LNX2: variants seen among roughly 807,000 people sequenced by gnomAD.
LNX2 encodes the protein ligand of Numb protein X 2.
A neutral mutation model predicts 66.2 loss-of-function variants in LNX2; 35 were observed. The ratio of observed to expected loss-of-function variants is 0.53; its 90% CI spans 0.40 to 0.70. The LOEUF (loss-of-function observed/expected upper bound fraction) is 0.70, where lower values mean the gene tolerates loss of function less well. Ranked by LOEUF, LNX2 falls within the 30% of genes least tolerant of loss-of-function variation. The probability of loss-of-function intolerance (pLI) is 0.00; values close to 1 mark genes in which losing one functional copy is unlikely to be tolerated. For synonymous variants in LNX2, 337 were observed against 315.6 expected, an observed-to-expected ratio of 1.07 and a Z score of -0.72; for missense variants, 791 against 850.8, an observed-to-expected ratio of 0.93 and a Z score of 0.87.
intron 1 of LNX2, among the ~76,000 whole-genome samples, chr13:27,610,152 T>C (rs375508112): frequency 2.6e-5 from 4 of 152,326 alleles, no homozygotes; most frequent in East Asian, 3.9e-4. Flanking sequence ...GATCAAATGC[T>C]TGACATATTT....
At chr13:27,576,197 T>A (rs1955338416) in intron 2 of LNX2, among the ~76,000 whole-genome samples, 1 of 151,704 alleles carries the variant, frequency 6.6e-6, no homozygotes, top group East Asian at 1.9e-4. Context: ...AAGTAAAAAA[T>A]GACAAAGAGA....
In LNX2 at chr13:27,562,956, A is replaced by G. The variant is rs139737768; in HGVS notation, c.856-175T>C. Among the ~76,000 whole-genome samples, 250 of 152,340 alleles carry G rather than the reference A, an allele frequency of 1.6e-3. 1 individual carries two copies. The highest frequency in any genetic ancestry group is 5.7e-3 in the African/African-American group (239 of 41,572). On this transcript the variant is annotated intron_variant, in intron 4 of 9. Transcript: ENST00000316334. ...CCACATTAAAGACATTTAAAAACAGAGTTTCTAATATTAACTTACAGTGAC... is the reference window on the plus strand; with the variant it reads ...CCACATTAAAGACATTTAAAAACAGGGTTTCTAATATTAACTTACAGTGAC...
intron 1 of LNX2, among the ~76,000 whole-genome samples, chr13:27,587,751 G>A (rs1256057320): frequency 2.0e-5 from 3 of 152,172 alleles, no homozygotes; most frequent in Non-Finnish European, 4.4e-5. Flanking sequence ...GCCAGGCGCG[G>A]TGGCTCACGC....
chr13:27,596,974 G>A (rs1012817002), intron 1 of LNX2, among the ~76,000 whole-genome samples: 1 of 152,088 alleles, frequency 6.6e-6, no homozygotes, highest in Non-Finnish European at 1.5e-5. Flanking sequence ...CATCTAAGCA[G>A]GCATTTTCCC....
chr13:27,557,508 T>G (rs1019047910), intron 6 of LNX2, among the ~76,000 whole-genome samples: 1 of 152,076 alleles, frequency 6.6e-6, no homozygotes, highest in African/African-American at 2.4e-5. Flanking sequence ...AGATAATGTC[T>G]CAGAAGGTTT....
intron 1 of LNX2, among the ~76,000 whole-genome samples, chr13:27,583,209 T>TCCTCTCCAATATAA (rs1566124673): frequency 0.065 from 1,881 of 28,832 alleles, 506 homozygotes; most frequent in African/African-American, 0.24. Context: ...TGTGTGTGTG[T>TCCTCTCCAATATAA]GTGTGTGTGT....
At chr13:27,573,707 G>A (rs1396229465) in intron 2 of LNX2, among the ~76,000 whole-genome samples, 13 of 152,020 alleles carry the variant, frequency 8.6e-5, no homozygotes, top group Admixed American at 7.9e-4. Flanking sequence ...AGAATTCTCT[G>A]TCCAATCATT....
intron 7 of LNX2, among the ~76,000 whole-genome samples, chr13:27,554,021 T>C (rs1404922603): frequency 6.6e-6 from 1 of 152,158 alleles, no homozygotes; most frequent in Non-Finnish European, 1.5e-5. Flanking sequence ...TGCTAAGTAA[T>C]ATAATAAAAA....
In LNX2 at chr13:27,553,304, G is replaced by A. The variant is rs540471303; in HGVS notation, c.1682C>T (p.Ala561Val). The A allele has an allele frequency of 1.9e-5, 31 of 1,614,130 alleles. No homozygotes were observed. In the South Asian group the frequency reaches 2.3e-4, roughly 12 times the overall value. The part of the protein sequence containing the change: ...KALEVQIVEE[A>V]TQNAEEQPST... Reference sequence around the variant, plus strand: ...CGGCTGCTCCTCCGCGTTCTGAGTCGCCTCCTCAACAATCTGGACCTCAAG... The same window carrying A: ...CGGCTGCTCCTCCGCGTTCTGAGTCACCTCCTCAACAATCTGGACCTCAAG... Residue 561 changes from alanine to valine, a missense_variant, in exon 8 of 10, where the codon GCG becomes GTG. Physicochemically the swap from Ala to Val is moderately conservative, Grantham distance 64. Coordinates refer to ENST00000316334, the MANE Select transcript of LNX2 (RefSeq NM_153371.4).
chr13:27,596,241 T>TA (rs1955598077), intron 1 of LNX2, among the ~76,000 whole-genome samples: 1 of 152,182 alleles, frequency 6.6e-6, no homozygotes, highest in Non-Finnish European at 1.5e-5. Flanking sequence ...CAAGAATGCA[T>TA]AAAATATATG....
rs570434377 is a variant in LNX2, at chr13:27,570,328, A to G, written c.408-1052T>C. On this transcript the variant is annotated intron_variant, in intron 2 of 9. Coordinates refer to ENST00000316334, the MANE Select transcript of LNX2 (RefSeq NM_153371.4). ...AGACCTTCATTCAACAATATTTTTA[A>G]AACTCCAAAATTTCTAACACAACAC... is the stretch of plus-strand genomic sequence containing the variant. Among the ~76,000 whole-genome samples, 87 of 152,244 alleles carry G rather than the reference A, an allele frequency of 5.7e-4. 1 individual carries two copies. The highest frequency in any genetic ancestry group is 9.4e-4 in the Non-Finnish European group (64 of 68,050).
chr13:27,600,027 G>A (rs141319948), intron 1 of LNX2, among the ~76,000 whole-genome samples: 36 of 152,172 alleles, frequency 2.4e-4, no homozygotes, highest in African/African-American at 8.7e-4. Context: ...AGCCAGCATG[G>A]CACATAACTA....
At position 27,548,476 on chromosome 13, in the gene LNX2, C is replaced by A. The variant is rs1372259696; in HGVS notation, c.1938-6G>T. Reference sequence around the variant, plus strand: ...CCACAATCATGTCACCACACCTGGACAAAGAGAGACAGATACAGAATGTTA... The same window carrying A: ...CCACAATCATGTCACCACACCTGGAAAAAGAGAGACAGATACAGAATGTTA... On this transcript the variant is annotated splice_region_variant and splice_polypyrimidine_tract_variant and intron_variant, in intron 9 of 9. Transcript: ENST00000316334. The A allele has an allele frequency of 3.1e-6, 5 of 1,607,350 alleles. No individual in the cohort carries two copies. The African/African-American group carries it at 5.4e-5, about 17-fold the overall frequency.
intron 1 of LNX2, among the ~76,000 whole-genome samples, chr13:27,597,792 C>A (rs1289729287): frequency 1.3e-5 from 2 of 151,950 alleles, no homozygotes; most frequent in Non-Finnish European, 2.9e-5. Context: ...AGAAGAAAAG[C>A]GGGTAAGAAA....
intron 1 of LNX2, among the ~76,000 whole-genome samples, chr13:27,614,406 G>A (rs1955805437): frequency 6.6e-6 from 1 of 152,144 alleles, no homozygotes; most frequent in East Asian, 1.9e-4. Flanking sequence ...AAGCCACTCA[G>A]AGCATAGGAG....
At chr13:27,578,668 T>A (rs114077361) in intron 2 of LNX2, among the ~76,000 whole-genome samples, 1 of 152,164 alleles carries the variant, frequency 6.6e-6, no homozygotes, top group Non-Finnish European at 1.5e-5. Context: ...CCTGAGGCTG[T>A]CATGCTGGGA....
intron 5 of LNX2, among the ~76,000 whole-genome samples, chr13:27,561,075 T>C (rs1955130013): frequency 1.3e-5 from 2 of 152,214 alleles, no homozygotes; most frequent in Admixed American, 6.5e-5. Context: ...TAGTTTTCCA[T>C]TATTTGGAGA....
At chr13:27,612,087 A>G (rs1451248391) in intron 1 of LNX2, among the ~76,000 whole-genome samples, 1 of 152,262 alleles carries the variant, frequency 6.6e-6, no homozygotes, top group Non-Finnish European at 1.5e-5. Context: ...GGAGAGACAG[A>G]AAAGTCCTAG....
In LNX2 at chr13:27,562,535, C is replaced by G. The variant is rs1339784800; in HGVS notation, c.1102G>C (p.Asp368His). 2 of 1,614,104 alleles carry G rather than the reference C, an allele frequency of 1.2e-6. No homozygotes were observed. Among genetic ancestry groups the G allele is most frequent in the African/African-American group, 1.3e-5 (1 of 75,030 alleles). ...RTDEPGVFIL[D>H]LLEGGLAAQD... Reference sequence around the variant, plus strand: ...GCAGCCAACCCCCCTTCCAACAGGTCAAGAATAAAAACCCCTGGCTCATCT... The same window carrying G: ...GCAGCCAACCCCCCTTCCAACAGGTGAAGAATAAAAACCCCTGGCTCATCT... Residue 368 changes from aspartate to histidine, a missense_variant, in exon 5 of 10, where the codon GAC (aspartate) becomes CAC (histidine). Asp to His is a moderately conservative substitution (Grantham distance 81). Transcript: ENST00000316334.
Sources: gnomAD v4.1 joint callset for allele counts (sites outside exome capture counted in the v4.1 genomes callset) on GRCh38, gnomAD v4.1.1 for gene constraint, MANE v1.5 for transcripts, NCBI Gene and HGNC (gene_info 2026-07-23, HGNC 2026-07-21) for gene names.